Variants in ST6GAL1 observed in about 807,000 individuals in gnomAD.
ST6GAL1 encodes the protein beta-galactoside alpha-2,6-sialyltransferase 1.
In ST6GAL1, 20 loss-of-function variants were observed where a neutral mutation model predicts 38.0. That is an observed-to-expected ratio of 0.53 (90% CI 0.37 to 0.77). The LOEUF (loss-of-function observed/expected upper bound fraction) is 0.77. ST6GAL1 is among the 30% of genes least tolerant of loss of function. ST6GAL1 has a pLI of 0.00. For missense variants in ST6GAL1, 432 were observed against 496.4 expected (o/e 0.87, Z 1.23); for synonymous variants, 196 against 188.2 (o/e 1.04, Z -0.34).
intron 5 of ST6GAL1, among the ~76,000 whole-genome samples, chr3:187,052,731 T>C (rs1718559488): frequency 6.6e-6 from 1 of 152,244 alleles, no homozygotes; most frequent in African/African-American, 2.4e-5. Context: ...AAGTCTTTGC[T>C]ATTGTGAATA....
At chr3:187,018,279 G>A (rs550050064) in intron 2 of ST6GAL1, among the ~76,000 whole-genome samples, 3 of 152,094 alleles carry the variant, frequency 2.0e-5, no homozygotes, top group Admixed American at 1.3e-4. Flanking sequence ...TGTTGGGGGT[G>A]GTTTTTCTAA....
At chr3:187,065,909 C>G (rs1579378098) in intron 5 of ST6GAL1, among the ~76,000 whole-genome samples, 1 of 152,300 alleles carries the variant, frequency 6.6e-6, no homozygotes, top group Non-Finnish European at 1.5e-5. Flanking sequence ...TACCTCAGAA[C>G]TCAGGCTCCC....
At position 187,028,594 on chromosome 3, in the gene ST6GAL1, T is replaced by TAACAAAATTAAC. The variant is rs549940696; in HGVS notation, c.-182-10145_-182-10134dup. Among the ~76,000 whole-genome samples, 6 of 152,184 alleles carry TAACAAAATTAAC rather than the reference T, an allele frequency of 3.9e-5. No individual in the cohort carries two copies. In the East Asian group the frequency reaches 1.2e-3, roughly 29 times the overall value. On this transcript the variant is annotated intron_variant, in intron 2 of 7. Transcript: ENST00000169298. ...TATAACCACAATACTTTTATACACC[T>TAACAAAATTAAC]AACAAAATTAACAATAATTTCTTAA... is the stretch of plus-strand genomic sequence containing the variant.
At chr3:187,032,691 A>G (rs1384960027) in intron 2 of ST6GAL1, among the ~76,000 whole-genome samples, 1 of 152,196 alleles carries the variant, frequency 6.6e-6, no homozygotes, top group Non-Finnish European at 1.5e-5. Context: ...ATGCTGTGAA[A>G]ATGTCAGAGG....
At chr3:186,957,745 T>C (rs1304140313) in intron 1 of ST6GAL1, among the ~76,000 whole-genome samples, 1 of 152,214 alleles carries the variant, frequency 6.6e-6, no homozygotes, top group Non-Finnish European at 1.5e-5. Context: ...CATCTATCTC[T>C]ACAGAAGCTA....
chr3:186,996,999 G>T (rs73069490), intron 2 of ST6GAL1, among the ~76,000 whole-genome samples: 11,047 of 151,888 alleles, frequency 0.073, 637 homozygotes, highest in African/African-American at 0.15. Flanking sequence ...TGGTTTGAGG[G>T]GTTCTGTCTG....
intron 5 of ST6GAL1, among the ~76,000 whole-genome samples, chr3:187,060,577 G>GT (rs1451997039): frequency 6.6e-6 from 1 of 152,260 alleles, no homozygotes; most frequent in African/African-American, 2.4e-5. Context: ...GGTCTTACAA[G>GT]TAGTCTGGGT....
intron 2 of ST6GAL1, among the ~76,000 whole-genome samples, chr3:187,029,973 T>C (rs137956786): frequency 6.2e-4 from 95 of 152,236 alleles, no homozygotes; most frequent in African/African-American, 1.9e-3. Flanking sequence ...ATGGGATGCC[T>C]GAACTCAAGA....
At chr3:186,945,775 A>G (rs994723064) in intron 1 of ST6GAL1, among the ~76,000 whole-genome samples, 7 of 146,778 alleles carry the variant, frequency 4.8e-5, no homozygotes, top group African/African-American at 1.0e-4. Context: ...TCACGAGATC[A>G]GGAGATCGAG....
intron 2 of ST6GAL1, among the ~76,000 whole-genome samples, chr3:187,016,781 GC>G (rs1414373426): frequency 8.5e-5 from 13 of 152,208 alleles, no homozygotes; most frequent in Non-Finnish European, 2.9e-5. Context: ...TCTGGCCTTG[GC>G]CTGGGATTGC....
At chr3:187,069,117 C>A (rs1250590588) in intron 5 of ST6GAL1, among the ~76,000 whole-genome samples, 1 of 151,956 alleles carries the variant, frequency 6.6e-6, no homozygotes, top group Non-Finnish European at 1.5e-5. Context: ...GGCCAGTAGT[C>A]TCATCCTTGA....
At chr3:186,946,555 A>G (rs962042107) in intron 1 of ST6GAL1, among the ~76,000 whole-genome samples, 8 of 151,952 alleles carry the variant, frequency 5.3e-5, no homozygotes, top group African/African-American at 1.5e-4. Flanking sequence ...CAAAACAGCT[A>G]TTGTGTAAAG....
At chr3:187,047,253 GTTTT>G (rs11363479) in intron 4 of ST6GAL1, among the ~76,000 whole-genome samples, 3 of 146,016 alleles carry the variant, frequency 2.1e-5, no homozygotes, top group African/African-American at 2.5e-5. Flanking sequence ...CCAAGTCATA[GTTTT>G]TTTTTTTTTT....
At chr3:186,967,013 C>G (rs1213337349) in intron 2 of ST6GAL1, among the ~76,000 whole-genome samples, 1 of 152,182 alleles carries the variant, frequency 6.6e-6, no homozygotes, top group Non-Finnish European at 1.5e-5. Flanking sequence ...CTTGGACATA[C>G]AGATCTGACA....
intron 2 of ST6GAL1, among the ~76,000 whole-genome samples, chr3:186,985,934 A>C (rs998391064): frequency 2.0e-5 from 3 of 152,182 alleles, no homozygotes; most frequent in South Asian, 2.1e-4. Flanking sequence ...TAAGCTGGGG[A>C]GGATGCCTGA....
chr3:187,067,076 TCTTTC>T, intron 5 of ST6GAL1, among the ~76,000 whole-genome samples: 2 of 136,450 alleles, frequency 1.5e-5, no homozygotes, highest in Non-Finnish European at 3.1e-5. Flanking sequence ...TTTCTTTCTT[TCTTTC>T]TTTTTTTTTT....
chr3:186,984,582 T>C (rs13088725), intron 2 of ST6GAL1, among the ~76,000 whole-genome samples: 31,619 of 151,894 alleles, frequency 0.21, 3,369 homozygotes, highest in East Asian at 0.31. Flanking sequence ...TCCCCAGATA[T>C]TGTGGGACTC....
chr3:186,945,673 G>A (rs546197487), intron 1 of ST6GAL1, among the ~76,000 whole-genome samples: 1 of 152,204 alleles, frequency 6.6e-6, no homozygotes, highest in South Asian at 2.1e-4. Context: ...GAGATGTTAA[G>A]TGCTAACTTT....
chr3:186,981,973 C>T (rs1715711297), intron 2 of ST6GAL1, among the ~76,000 whole-genome samples: 1 of 151,788 alleles, frequency 6.6e-6, no homozygotes, highest in African/African-American at 2.4e-5. Context: ...TCTATTTTCT[C>T]ATTTAATTCT....
Sources: gnomAD v4.1 joint callset for allele counts (sites outside exome capture counted in the v4.1 genomes callset) on GRCh38, gnomAD v4.1.1 for gene constraint, MANE v1.5 for transcripts, NCBI Gene and HGNC (gene_info 2026-07-23, HGNC 2026-07-21) for gene names.